TFG: variants seen among roughly 807,000 people sequenced by gnomAD.
TFG encodes the protein trafficking from ER to golgi regulator.
A neutral mutation model predicts 51.4 loss-of-function variants in TFG; 22 were observed. The ratio of observed to expected loss-of-function variants is 0.43; its 90% CI spans 0.31 to 0.61. TFG has a LOEUF of 0.61. Among genes scored for constraint, TFG ranks in the 20% least tolerant of loss-of-function variants. The pLI is 0.12. For synonymous variants in TFG, 187 were observed against 165.6 expected, an observed-to-expected ratio of 1.13 and a Z score of -0.99; for missense variants, 419 against 487.7, an observed-to-expected ratio of 0.86 and a Z score of 1.33.
intron 6 of TFG, among the ~76,000 whole-genome samples, chr3:100,740,137 A>G (rs986388451): frequency 2.0e-5 from 3 of 152,118 alleles, no homozygotes; most frequent in Non-Finnish European, 4.4e-5. Context: ...AATCCCTTAC[A>G]TGTTTCTAAA....
rs140669729 is a variant in TFG at position 100,736,658 on chromosome 3, C to T, written c.663C>T (p.Gly221=). 122 of 1,613,804 alleles carry T rather than the reference C, an allele frequency of 7.6e-5. No homozygotes were observed. The highest frequency in any genetic ancestry group is 1.6e-4 in the Middle Eastern group (1 of 6,082). ...ASSSSAAHPP[G]VQPQQPPYTG... is the part of the protein sequence containing the mutation. ...CCTCCTCAGCAGCTCACCCACCAGG[C>T]GTTCAGCCACAGCAGCCACCATATA... Residue 221 remains glycine, a synonymous_variant, in exon 6 of 8, where the codon GGC becomes GGT. Transcript: ENST00000240851.
chr3:100,709,930 G>A (rs1403402225), intron 1 of TFG: 2 of 138,444 alleles, frequency 1.4e-5, no homozygotes, highest in Admixed American at 7.0e-5. Flanking sequence ...TTGCATGGGG[G>A]GAGGGGAAGG....
chr3:100,714,187 A>G (rs1369702366), intron 2 of TFG, among the ~76,000 whole-genome samples: 2 of 152,004 alleles, frequency 1.3e-5, no homozygotes, highest in African/African-American at 4.8e-5. Flanking sequence ...AGTTACTATA[A>G]TTCTCTCATC....
Position 100,727,461 on chromosome 3 carries a change from G to T in TFG, c.269-1251G>T, listed in dbSNP as rs149396913. Among the ~76,000 whole-genome samples, 88 of 152,292 alleles carry T rather than the reference G, an allele frequency of 5.8e-4. 1 individual carries two copies. In the East Asian group the frequency reaches 0.015, roughly 26 times the overall value. On this transcript the variant is annotated intron_variant, in intron 3 of 7. Transcript: ENST00000240851. ...CCTGAACTTTTATTTTCACGTAGAT[G>T]TCCTTTTCTAATTAGGTGCTTCAGG...
At chr3:100,719,036 G>A (rs1238133616) in intron 2 of TFG, among the ~76,000 whole-genome samples, 1 of 152,204 alleles carries the variant, frequency 6.6e-6, no homozygotes, top group Non-Finnish European at 1.5e-5. Context: ...TTTAAAAAAT[G>A]TGTTTATGAA....
At position 100,748,395 on chromosome 3, in the gene TFG, C is replaced by T. The variant is rs2095155441; in HGVS notation, c.1067C>T (p.Ala356Val). Residue 356 changes from alanine (A) to valine (V), a missense_variant, in exon 8 of 8, where the codon GCC (alanine) becomes GTC (valine). By Grantham distance (64) the Ala-to-Val change is moderately conservative. Coordinates refer to ENST00000240851, the MANE Select transcript of TFG (RefSeq NM_006070.6). ...QPGMAPSQPGAYQPRPGFTSL... is the reference protein window; with the variant it reads ...QPGMAPSQPGVYQPRPGFTSL... ...GGAATGGCTCCAAGCCAACCTGGGG[C>T]CTATCAACCAAGACCAGGTTTTACT... 1 of 1,614,020 alleles carries T rather than the reference C, an allele frequency of 6.2e-7. No individual in the cohort carries two copies. Among genetic ancestry groups the T allele is most frequent in the African/African-American group, 1.3e-5 (1 of 74,932 alleles).
At chr3:100,720,604 C>A (rs1338406655) in intron 3 of TFG, among the ~76,000 whole-genome samples, 1 of 152,222 alleles carries the variant, frequency 6.6e-6, no homozygotes, top group African/African-American at 2.4e-5. Flanking sequence ...GCTGAACTGA[C>A]AGGAGGCGGA....
At chr3:100,726,002 C>T (rs1014333900) in intron 3 of TFG, among the ~76,000 whole-genome samples, 6 of 152,056 alleles carry the variant, frequency 3.9e-5, no homozygotes, top group African/African-American at 1.2e-4. Context: ...GATTACAAGG[C>T]GAAGTCCGGT....
At chr3:100,717,698 G>A (rs906163557) in intron 2 of TFG, among the ~76,000 whole-genome samples, 1 of 149,162 alleles carries the variant, frequency 6.7e-6, no homozygotes, top group Non-Finnish European at 1.5e-5. Flanking sequence ...TATTGTATGT[G>A]TATAGAAACA....
intron 4 of TFG, among the ~76,000 whole-genome samples, chr3:100,730,336 T>C (rs1286247226): frequency 6.6e-6 from 1 of 152,176 alleles, no homozygotes; most frequent in African/African-American, 2.4e-5. Flanking sequence ...ATTCTTTGTG[T>C]CTATATTTTT....
chr3:100,737,408 G>A (rs905485018), intron 6 of TFG, among the ~76,000 whole-genome samples: 8 of 152,230 alleles, frequency 5.3e-5, no homozygotes, highest in Non-Finnish European at 1.0e-4. Flanking sequence ...GGATTGAAGG[G>A]CAACAGACTT....
chr3:100,718,615 T>C (rs550514605), intron 2 of TFG, among the ~76,000 whole-genome samples: 11 of 135,066 alleles, frequency 8.1e-5, no homozygotes, highest in Admixed American at 1.7e-4. Context: ...TGGAGTACAG[T>C]GGGGTGATCT....
At chr3:100,725,622 C>CAAAAAAAAAAA (rs763163559) in intron 3 of TFG, among the ~76,000 whole-genome samples, 1 of 83,488 alleles carries the variant, frequency 1.2e-5, no homozygotes, top group African/African-American at 4.7e-5. Context: ...ACCAAAAATA[C>CAAAAAAAAAAA]AAAAAAAAAA....
intron 1 of TFG, chr3:100,710,290 A>C (rs2095026769): frequency 6.6e-6 from 1 of 152,266 alleles, no homozygotes; most frequent in Non-Finnish European, 1.5e-5. Flanking sequence ...TTTGCTGGAC[A>C]CTACAGTAAG....
chr3:100,741,472 T>A (rs2095121047), intron 6 of TFG, among the ~76,000 whole-genome samples: 1 of 152,178 alleles, frequency 6.6e-6, no homozygotes, highest in African/African-American at 2.4e-5. Flanking sequence ...AATATTTTTG[T>A]ATAGTAGCAC....
At chr3:100,745,172 A>G (rs897788189) in intron 7 of TFG, among the ~76,000 whole-genome samples, 3 of 129,190 alleles carry the variant, frequency 2.3e-5, no homozygotes, top group East Asian at 2.0e-4. Context: ...AACTTGTAGT[A>G]TAAAAAGTTT....
intron 7 of TFG, among the ~76,000 whole-genome samples, chr3:100,746,121 G>A (rs932208859): frequency 2.6e-5 from 4 of 152,092 alleles, no homozygotes; most frequent in Admixed American, 6.6e-5. Flanking sequence ...CAGGAGGAAG[G>A]TTATTTTTAG....
At chr3:100,743,116 C>G (rs1304878252) in intron 6 of TFG, 1 of 152,120 alleles carries the variant, frequency 6.6e-6, no homozygotes, top group Non-Finnish European at 1.5e-5. Context: ...GGAGTTATGC[C>G]TGAGTTCCAG....
chr3:100,728,864 C>T lies in TFG; in HGVS notation c.415+6C>T, dbSNP rs140327635. The T allele has an allele frequency of 3.1e-6, 5 of 1,596,594 alleles. No homozygotes were observed. The East Asian group carries it at 9.1e-5, about 29-fold the overall frequency. ...CACCAATATTCCTGAAAATGGTAAA[C>T]CCTGAATCCATTGTATTCTGACTTA... is the stretch of plus-strand genomic sequence containing the variant. On this transcript the variant is annotated splice_donor_region_variant and intron_variant, in intron 4 of 7. Transcript: ENST00000240851.
Sources: gnomAD v4.1 joint callset for allele counts (sites outside exome capture counted in the v4.1 genomes callset) on GRCh38, gnomAD v4.1.1 for gene constraint, MANE v1.5 for transcripts, NCBI Gene and HGNC (gene_info 2026-07-23, HGNC 2026-07-21) for gene names.